The following CSMD1 variants were observed in gnomAD, a reference collection of about 807,000 sequenced individuals.
CSMD1 encodes CUB and sushi domain-containing protein 1.
A neutral mutation model predicts 417.5 loss-of-function variants in CSMD1; 213 were observed. That is an observed-to-expected ratio of 0.51 (90% CI 0.46 to 0.57). CSMD1 has a LOEUF of 0.57. Ranked by LOEUF, CSMD1 falls within the 20% of genes least tolerant of loss-of-function variation. The probability of loss-of-function intolerance (pLI) is 0.00; values close to 1 mark genes in which losing one functional copy is unlikely to be tolerated. For synonymous variants in CSMD1, 2,862 were observed against 1,736.8 expected, an observed-to-expected ratio of 1.65 and a Z score of -16.11; for missense variants, 6,923 against 4,529.7, an observed-to-expected ratio of 1.53 and a Z score of -15.17.
chr8:4,062,604 T>C (rs993884549), intron 3 of CSMD1, among the ~76,000 whole-genome samples: 3 of 152,150 alleles, frequency 2.0e-5, no homozygotes, highest in Non-Finnish European at 1.5e-5. Flanking sequence ...CCAGATCTGA[T>C]CTTAAAGCTG....
At chr8:3,504,537 C>T (rs1297688421) in intron 10 of CSMD1, among the ~76,000 whole-genome samples, 1 of 152,170 alleles carries the variant, frequency 6.6e-6, no homozygotes, top group African/African-American at 2.4e-5. Context: ...GTCATGTCTG[C>T]CAGACCCAGG....
At position 3,290,403 on chromosome 8, in the gene CSMD1, TAA is replaced by T. The variant is rs576722532; in HGVS notation, c.3951-6059_3951-6058del. 5.7e-4 allele frequency among the ~76,000 whole-genome samples: 83 copies of T among 146,886 alleles called. 1 individual carries two copies. The highest frequency in any genetic ancestry group is 3.4e-3 in the Middle Eastern group (1 of 294). ...CTTGAAGGGGATGGCATTGAATCTA[TAA>T]GTTACCTTGGGCGGTATGGCCATTT... On this transcript the variant is annotated intron_variant, in intron 25 of 69. Transcript: ENST00000635120.
At chr8:3,186,578 G>C (rs1196852129) in intron 36 of CSMD1, among the ~76,000 whole-genome samples, 1 of 152,140 alleles carries the variant, frequency 6.6e-6, no homozygotes, top group Non-Finnish European at 1.5e-5. Flanking sequence ...AGTTGTATCA[G>C]ACACTGTGAA....
chr8:3,035,314 T>C (rs1436278253), intron 50 of CSMD1, among the ~76,000 whole-genome samples: 7 of 152,144 alleles, frequency 4.6e-5, no homozygotes, highest in Non-Finnish European at 8.8e-5. Context: ...GTAATTCTAC[T>C]GTAAGCGGAT....
intron 52 of CSMD1, among the ~76,000 whole-genome samples, chr8:3,005,563 G>A (rs202224392): frequency 6.6e-6 from 1 of 152,024 alleles, no homozygotes; most frequent in South Asian, 2.1e-4. Flanking sequence ...ACATCAAAAA[G>A]CTTATCCACC....
At chr8:3,531,138 G>T (rs1291273564) in intron 10 of CSMD1, among the ~76,000 whole-genome samples, 5 of 152,046 alleles carry the variant, frequency 3.3e-5, no homozygotes, top group Non-Finnish European at 7.4e-5. Context: ...TGGGATTACA[G>T]GTGTGAGCCA....
At chr8:3,260,266 G>C (rs1442658193) in intron 26 of CSMD1, among the ~76,000 whole-genome samples, 1 of 152,062 alleles carries the variant, frequency 6.6e-6, no homozygotes, top group Admixed American at 6.6e-5. Flanking sequence ...TCTTCAGGGT[G>C]AGATCCTCGC....
At chr8:4,928,055 C>T (rs981915693) in intron 1 of CSMD1, among the ~76,000 whole-genome samples, 22 of 152,192 alleles carry the variant, frequency 1.4e-4, no homozygotes, top group Admixed American at 3.3e-4. Context: ...GGATGCTCAC[C>T]AGGCCTGGCT....
intron 41 of CSMD1, among the ~76,000 whole-genome samples, chr8:3,129,815 C>G (rs1292524396): frequency 6.6e-6 from 1 of 151,958 alleles, no homozygotes; most frequent in Non-Finnish European, 1.5e-5. Context: ...ATGGTGAAAC[C>G]CTGTCTCTAC....
chr8:3,711,452 G>A (rs888282004), intron 6 of CSMD1, among the ~76,000 whole-genome samples: 1 of 152,100 alleles, frequency 6.6e-6, no homozygotes, highest in African/African-American at 2.4e-5. Context: ...GTCCAGCCCA[G>A]GTCCAACCCC....
chr8:3,344,363 T>C (rs975250901), intron 22 of CSMD1, among the ~76,000 whole-genome samples: 2 of 152,286 alleles, frequency 1.3e-5, no homozygotes, highest in Non-Finnish European at 1.5e-5. Context: ...AAAACCTAGA[T>C]GATGGGTTGA....
intron 46 of CSMD1, among the ~76,000 whole-genome samples, chr8:3,097,901 G>T (rs1259830693): frequency 1.3e-5 from 2 of 152,158 alleles, no homozygotes; most frequent in Non-Finnish European, 2.9e-5. Context: ...ATTCCTAAGG[G>T]ATGAATTAAT....
At chr8:3,979,632 C>G (rs1009643983) in intron 5 of CSMD1, among the ~76,000 whole-genome samples, 64 of 152,140 alleles carry the variant, frequency 4.2e-4, no homozygotes, top group African/African-American at 1.5e-3. Flanking sequence ...GAAGAGATTC[C>G]AGAGCTCTCT....
At chr8:4,094,353 C>A (rs1056624443) in intron 3 of CSMD1, among the ~76,000 whole-genome samples, 2 of 152,068 alleles carry the variant, frequency 1.3e-5, no homozygotes, top group African/African-American at 2.4e-5. Context: ...GAGCTGGACT[C>A]ATGGGTAACA....
At chr8:4,589,770 A>T (rs1205646645) in intron 2 of CSMD1, among the ~76,000 whole-genome samples, 1 of 152,240 alleles carries the variant, frequency 6.6e-6, no homozygotes, top group South Asian at 2.1e-4. Flanking sequence ...ATTAGTTGCC[A>T]ACTTGGGAAA....
chr8:4,787,150 T>C (rs1178388139), intron 1 of CSMD1, among the ~76,000 whole-genome samples: 1 of 152,154 alleles, frequency 6.6e-6, no homozygotes, highest in Non-Finnish European at 1.5e-5. Flanking sequence ...CCTATACCCC[T>C]CCGGGTTCGG....
rs894345923 is a variant in CSMD1, at chr8:3,839,094, A to G, written c.819-85052T>C. On this transcript the variant is annotated intron_variant, in intron 5 of 69. Coordinates refer to ENST00000635120, the MANE Select transcript of CSMD1 (RefSeq NM_033225.6). ...TATAGCCTAGGCTATATATAATATAATATAGCCTATATATATAGTCTATAT... is the reference window on the plus strand; with the variant it reads ...TATAGCCTAGGCTATATATAATATAGTATAGCCTATATATATAGTCTATAT... Among the ~76,000 whole-genome samples the G allele has an allele frequency of 3.9e-4, 42 of 108,922 alleles. 1 individual carries two copies. Among genetic ancestry groups the G allele is most frequent in the African/African-American group, 1.4e-3 (41 of 30,144 alleles). The allele number at this position is 108,922 out of a possible 152,430, so 71.5% of individuals were successfully genotyped here. A position where few individuals can be genotyped will look rare whatever the true frequency, so the allele number is the denominator to read the frequency against.
intron 5 of CSMD1, among the ~76,000 whole-genome samples, chr8:3,822,763 T>C (rs935032591): frequency 6.6e-6 from 1 of 152,162 alleles, no homozygotes; most frequent in African/African-American, 2.4e-5. Flanking sequence ...TACAGGTTTG[T>C]TGAGAATAAA....
chr8:3,224,437 C>T (rs768768684), intron 27 of CSMD1, among the ~76,000 whole-genome samples: 2 of 152,182 alleles, frequency 1.3e-5, no homozygotes, highest in African/African-American at 2.4e-5. Context: ...TTATTGGGTA[C>T]ATGAAAACAT....
Sources: gnomAD v4.1 joint callset for allele counts (sites outside exome capture counted in the v4.1 genomes callset) on GRCh38, gnomAD v4.1.1 for gene constraint, MANE v1.5 for transcripts, NCBI Gene and HGNC (gene_info 2026-07-23, HGNC 2026-07-21) for gene names.